IRX4: variants seen among roughly 807,000 people sequenced by gnomAD.
IRX4 encodes iroquois homeobox 4.
Under a neutral mutation model 32.0 loss-of-function variants are expected in IRX4, and 22 were observed. The observed-to-expected ratio is 0.69, with a 90% confidence interval of 0.49 to 0.98. The LOEUF (loss-of-function observed/expected upper bound fraction) is 0.98. IRX4 is among the 50% of genes least tolerant of loss of function. The pLI, the probability that IRX4 is intolerant of heterozygous loss-of-function variation, is 0.00. For missense variants in IRX4, 840 were observed against 744.2 expected (o/e 1.13, Z -1.50); for synonymous variants, 379 against 351.7 (o/e 1.08, Z -0.87).
intron 2 of IRX4, 110 bp from the exon 3 acceptor site, chr5:1,880,944 C>A: frequency 1.2e-6 from 1 of 837,364 alleles, no homozygotes; most frequent in Non-Finnish European, 2.1e-6. Flanking sequence ...TCCTGGGCAG[C>A]CCTACGCCCC....
At chr5:1,882,932 GAAAAA>G (rs201834255), upstream of IRX4, among the ~76,000 whole-genome samples, 2 of 143,394 alleles carry the variant, frequency 1.4e-5, no homozygotes, top group African/African-American at 5.1e-5. Flanking sequence ...TTACGAAAAA[GAAAAA>G]AAAAAAAACG....
Position 1,878,344 on chromosome 5 carries a change from G to A in IRX4, c.1185C>T (p.Leu395=), listed in dbSNP as rs1452044742. The A allele has an allele frequency of 1.3e-6, 2 of 1,543,910 alleles. No homozygotes were observed. The highest frequency in any genetic ancestry group is 1.2e-5 in the South Asian group (1 of 83,926). ...LSQTEFPSCM[L]KRQGPAAPAA... The stretch of plus-strand genomic sequence containing the variant: ...CAGGGGCCGCGGGACCTTGGCGCTT[G>A]AGCATGCACGACGGAAACTCAGTCT... Residue 395 remains leucine, a synonymous_variant, in exon 5 of 5, where the codon CTC becomes CTT. Coordinates refer to ENST00000231357, the MANE Select transcript of IRX4 (RefSeq NM_016358.3).
At chr5:1,879,344 C>G (rs1258013784) in intron 4 of IRX4, among the ~76,000 whole-genome samples, 160 bp downstream of exon 4, 2 of 152,244 alleles carry the variant, frequency 1.3e-5, no homozygotes, top group African/African-American at 4.8e-5. Context: ...GTCACCACCA[C>G]AGTCCCCACA....
intron 4 of IRX4, among the ~76,000 whole-genome samples, chr5:1,879,110 G>C (rs1032843931): frequency 1.3e-4 from 19 of 151,994 alleles, no homozygotes; most frequent in African/African-American, 4.3e-4. Context: ...TCCTGCCTCA[G>C]CCTCCCGAGT....
At position 1,882,704 on chromosome 5, in the gene IRX4, C is replaced by CGGCGT; in HGVS notation, c.-62_-58dup. 1 of 1,135,516 alleles carries CGGCGT rather than the reference C, an allele frequency of 8.8e-7. No homozygotes were observed. The highest frequency in any genetic ancestry group is 1.2e-6 in the Non-Finnish European group (1 of 862,220). The allele number at this position is 1,135,516 out of a possible 1,614,324, so 70.3% of individuals were successfully genotyped here. Reference sequence around the variant, plus strand: ...CCTGCAGGGTTCTGCGCGCTGGGGCCGGCGTGGCGCGGCCACTGCTCCGGA... The same window carrying CGGCGT: ...CCTGCAGGGTTCTGCGCGCTGGGGCCGGCGTGGCGTGGCGCGGCCACTGCTCCGGA... On this transcript the variant is annotated 5_prime_UTR_variant, in exon 1 of 5. Coordinates refer to ENST00000231357, the MANE Select transcript of IRX4 (RefSeq NM_016358.3).
Sources: allele counts gnomAD v4.1 joint callset (sites outside exome capture counted in the v4.1 genomes callset), GRCh38; gene constraint gnomAD v4.1.1; transcripts MANE v1.5; gene names NCBI Gene and HGNC (gene_info 2026-07-23, HGNC 2026-07-21).